NEURL1: variants seen among roughly 807,000 people sequenced by gnomAD.
NEURL1 encodes E3 ubiquitin-protein ligase NEURL1.
A neutral mutation model predicts 41.2 loss-of-function variants in NEURL1; 26 were observed. That is an observed-to-expected ratio of 0.63 (90% CI 0.46 to 0.87). NEURL1 has a LOEUF of 0.87. NEURL1 is among the 40% of genes least tolerant of loss of function. NEURL1 has a pLI of 0.00. For synonymous variants in NEURL1, 400 were observed against 402.3 expected (o/e 0.99, Z 0.07); for missense variants, 761 against 871.1 (o/e 0.87, Z 1.59).
chr10:103,589,677 C>T lies in NEURL1; in HGVS notation c.1486+17C>T. On this transcript the variant is annotated intron_variant, in intron 5 of 5. Transcript: ENST00000369780. ...CTGCTGGTGGTAAGTAGGCTGGCTC[C>T]TCTGTTCCTTGGTGACCATGTGGGA... 6.2e-7 allele frequency: 1 copy of T among 1,601,430 alleles called. No individual in the cohort carries two copies. The highest frequency in any genetic ancestry group is 8.5e-7 in the Non-Finnish European group (1 of 1,172,166).
At chr10:103,575,427 C>T (rs1000200609) in intron 3 of NEURL1, among the ~76,000 whole-genome samples, 2 of 152,208 alleles carry the variant, frequency 1.3e-5, no homozygotes, top group African/African-American at 4.8e-5. Flanking sequence ...CCTGCCCCTG[C>T]CCCCTTTGTC....
intron 1 of NEURL1, among the ~76,000 whole-genome samples, chr10:103,497,443 A>G (rs540187114): frequency 6.6e-6 from 1 of 152,152 alleles, no homozygotes; most frequent in African/African-American, 2.4e-5. Context: ...CTCTCCTTAC[A>G]TAATTTCAGT....
At chr10:103,573,228 C>T (rs2035586546) in intron 3 of NEURL1, among the ~76,000 whole-genome samples, 2 of 152,200 alleles carry the variant, frequency 1.3e-5, no homozygotes, top group Non-Finnish European at 2.9e-5. Flanking sequence ...GAGCCTGGAA[C>T]TGGGCAGTTC....
chr10:103,580,210 C>T (rs2035757387), intron 3 of NEURL1, among the ~76,000 whole-genome samples: 1 of 152,164 alleles, frequency 6.6e-6, no homozygotes, highest in South Asian at 2.1e-4. Flanking sequence ...GGCACCAGAA[C>T]AGGCAAGAGC....
chr10:103,494,373 C>T lies in NEURL1; in HGVS notation c.-15C>T, dbSNP rs1454764947. 1.3e-6 allele frequency: 2 copies of T among 1,573,688 alleles called. No homozygotes were observed. The highest frequency in any genetic ancestry group is 1.7e-6 in the Non-Finnish European group (2 of 1,159,284). On this transcript the variant is annotated 5_prime_UTR_variant, in exon 1 of 6. Transcript: ENST00000369780. ...CCCCCACCCGCGAGCGCCGAACCTC[C>T]TGGGGCCGGATGCCATGGGTAACAA...
chr10:103,590,152 C>T lies in NEURL1; in HGVS notation c.1505C>T (p.Pro502Leu). 6.2e-7 allele frequency: 1 copy of T among 1,614,044 alleles called. No homozygotes were observed. The highest frequency in any genetic ancestry group is 1.3e-5 in the African/African-American group (1 of 75,058). Residue 502 changes from proline to leucine, a missense_variant, in exon 6 of 6, where the codon CCA (proline) becomes CTA (leucine). Physicochemically the swap from Pro to Leu is moderately conservative, Grantham distance 98. Coordinates refer to ENST00000369780, the MANE Select transcript of NEURL1 (RefSeq NM_004210.5). ...SSAGGTAPNS[P>L]VSLPESPVTP... ...TCCTCAGGGACAGCCCCCAATTCGCCAGTGAGCCTGCCCGAGTCGCCAGTG... is the reference window on the plus strand; with the variant it reads ...TCCTCAGGGACAGCCCCCAATTCGCTAGTGAGCCTGCCCGAGTCGCCAGTG...
chr10:103,589,468 C>T (rs1462872315), intron 4 of NEURL1, 46 bp from the exon 5 acceptor site: 1 of 1,539,792 alleles, frequency 6.5e-7, no homozygotes, highest in Admixed American at 1.9e-5. Context: ...TCCAGTTTGG[C>T]CTGGGCAGGC....
At chr10:103,585,318 G>C (rs1227376553) in intron 4 of NEURL1, 93 bp downstream of exon 4, 1 of 1,138,598 alleles carries the variant, frequency 8.8e-7, no homozygotes, top group Non-Finnish European at 1.2e-6. Flanking sequence ...CTTCCTCCAG[G>C]CTCATGATGG....
chr10:103,589,231 G>C (rs2035986284), intron 4 of NEURL1, among the ~76,000 whole-genome samples: 1 of 152,184 alleles, frequency 6.6e-6, no homozygotes, highest in Non-Finnish European at 1.5e-5. Flanking sequence ...GCCTAGTTTG[G>C]AGCTGCTGTT....
At chr10:103,582,644 TC>T (rs1399645835) in intron 3 of NEURL1, among the ~76,000 whole-genome samples, 1 of 152,162 alleles carries the variant, frequency 6.6e-6, no homozygotes, top group Non-Finnish European at 1.5e-5. Flanking sequence ...ATGTCTACAT[TC>T]AGTTGGAACT....
intron 3 of NEURL1, among the ~76,000 whole-genome samples, chr10:103,581,603 C>T (rs1372993740): frequency 2.6e-5 from 4 of 152,112 alleles, no homozygotes; most frequent in African/African-American, 9.7e-5. Context: ...TAACTGTGCT[C>T]CTGTCCTGCC....
intron 4 of NEURL1, among the ~76,000 whole-genome samples, chr10:103,585,730 A>G (rs1177911883): frequency 6.7e-6 from 1 of 150,034 alleles, no homozygotes; most frequent in Non-Finnish European, 1.5e-5. Context: ...GCTACTCGGG[A>G]GGCTGAGGCA....
At chr10:103,552,275 A>C (rs933332918) in intron 1 of NEURL1, among the ~76,000 whole-genome samples, 44 of 152,138 alleles carry the variant, frequency 2.9e-4, no homozygotes, top group Admixed American at 2.9e-3. Context: ...TATTGCTCTC[A>C]GGAAGAAGGC....
intron 1 of NEURL1, among the ~76,000 whole-genome samples, chr10:103,530,219 C>T (rs2034541672): frequency 1.3e-5 from 2 of 151,686 alleles, no homozygotes; most frequent in African/African-American, 4.8e-5. Context: ...CTTTACTATA[C>T]CTTTCCCACT....
intron 1 of NEURL1, among the ~76,000 whole-genome samples, chr10:103,501,783 C>T (rs562147143): frequency 2.0e-5 from 3 of 152,074 alleles, no homozygotes; most frequent in African/African-American, 7.2e-5. Flanking sequence ...CAGGCGCCTG[C>T]CACCAAAGTC....
At chr10:103,564,156 A>G (rs2133874136) in intron 1 of NEURL1, among the ~76,000 whole-genome samples, 1 of 152,258 alleles carries the variant, frequency 6.6e-6, no homozygotes, top group Non-Finnish European at 1.5e-5. Flanking sequence ...CCCCGCTGAG[A>G]GGCAGGAATG....
At position 103,558,024 on chromosome 10, in the gene NEURL1, A is replaced by C. The variant is rs1376819605; in HGVS notation, c.86-12848A>C. 1 of 182,154 alleles carries C rather than the reference A, an allele frequency of 5.5e-6. No individual in the cohort carries two copies. The highest frequency in any genetic ancestry group is 1.0e-5 in the Non-Finnish European group (1 of 95,752). The allele number at this position is 182,154 out of a possible 1,614,324, so 11.3% of individuals were successfully genotyped here. On this transcript the variant is annotated intron_variant, in intron 1 of 5. Transcript: ENST00000369780. This position sits in a 1 kb window ranked among gnomAD's most constrained non-coding sequence, Gnocchi z 4.2. ...CTCCCGAGTAGCTGGGATCACAGGCACCCACCACCATGCCCGGCTAATTTT... is the reference window on the plus strand; with the variant it reads ...CTCCCGAGTAGCTGGGATCACAGGCCCCCACCACCATGCCCGGCTAATTTT...
chr10:103,547,866 C>T (rs970335611), intron 1 of NEURL1, among the ~76,000 whole-genome samples: 3 of 151,898 alleles, frequency 2.0e-5, no homozygotes, highest in Non-Finnish European at 4.4e-5. Flanking sequence ...CTCGGATGGA[C>T]GAGGCCCATG....
intron 1 of NEURL1, among the ~76,000 whole-genome samples, chr10:103,513,110 G>T (rs1295189795): frequency 6.6e-6 from 1 of 151,936 alleles, no homozygotes; most frequent in Non-Finnish European, 1.5e-5. Flanking sequence ...TGCCCACCCG[G>T]CTTTGCTGCC....
Sources: allele counts gnomAD v4.1 joint callset (sites outside exome capture counted in the v4.1 genomes callset), GRCh38; gene constraint gnomAD v4.1.1; non-coding constraint Gnocchi (gnomAD v3.1); transcripts MANE v1.5; gene names NCBI Gene and HGNC (gene_info 2026-07-23, HGNC 2026-07-21).